Variants in TDRD9 observed in about 807,000 individuals in gnomAD.
TDRD9 encodes ATP-dependent RNA helicase TDRD9.
A neutral mutation model predicts 172.6 loss-of-function variants in TDRD9; 124 were observed. The ratio of observed to expected loss-of-function variants is 0.72; its 90% CI spans 0.62 to 0.83. TDRD9 has a LOEUF of 0.83. TDRD9 is among the 40% of genes least tolerant of loss of function. The probability of loss-of-function intolerance (pLI) is 0.00; values close to 1 mark genes in which losing one functional copy is unlikely to be tolerated. For missense variants in TDRD9, 1,479 were observed against 1,714.1 expected, an observed-to-expected ratio of 0.86 and a Z score of 2.42; for synonymous variants, 619 against 617.1, an observed-to-expected ratio of 1.00 and a Z score of -0.05.
At chr14:104,028,314 G>A (rs1231522461) in intron 28 of TDRD9, among the ~76,000 whole-genome samples, 1 of 152,278 alleles carries the variant, frequency 6.6e-6, no homozygotes, top group African/African-American at 2.4e-5. Context: ...CACCAACAGT[G>A]TATAAGAGTT....
chr14:103,941,406 A>C, intron 1 of TDRD9: 1 of 1,534,344 alleles, frequency 6.5e-7, no homozygotes, highest in Non-Finnish European at 8.7e-7. Flanking sequence ...CCTGCTGAGA[A>C]TAGTTCCAGT....
Position 103,965,366 on chromosome 14 carries a change from A to T in TDRD9, c.454A>T (p.Ile152Phe). Residue 152 changes from isoleucine (I) to phenylalanine (F), a missense_variant, in exon 4 of 36, where the codon ATT becomes TTT. By Grantham distance (21) the Ile-to-Phe change is conservative (BLOSUM62 0). Coordinates refer to ENST00000409874, the MANE Select transcript of TDRD9 (RefSeq NM_153046.3). ...VSLIESNSVVIIHGATGSGKS... is the reference protein window; with the variant it reads ...VSLIESNSVVFIHGATGSGKS... The stretch of plus-strand genomic sequence containing the variant: ...TTTGATAGAAAGTAATTCCGTGGTG[A>T]TTATCCATGGGGCCACGGGAAGCGG... 6.4e-7 allele frequency: 1 copy of T among 1,551,736 alleles called. No homozygotes were observed. The highest frequency in any genetic ancestry group is 8.7e-7 in the Non-Finnish European group (1 of 1,147,002).
intron 29 of TDRD9, among the ~76,000 whole-genome samples, chr14:104,031,472 T>TG (rs1417277038): frequency 1.3e-5 from 2 of 148,776 alleles, no homozygotes; most frequent in Non-Finnish European, 3.0e-5. Flanking sequence ...TGACTAGTTT[T>TG]TTTTTTTTTT....
chr14:103,961,865 T>C (rs970325919), intron 2 of TDRD9, among the ~76,000 whole-genome samples: 3 of 152,136 alleles, frequency 2.0e-5, no homozygotes, highest in African/African-American at 7.2e-5. Context: ...CCTGGTTGTG[T>C]GTTTTATTAG....
At chr14:103,937,396 C>G (rs2030838548) in intron 1 of TDRD9, among the ~76,000 whole-genome samples, 1 of 152,210 alleles carries the variant, frequency 6.6e-6, no homozygotes, top group Non-Finnish European at 1.5e-5. Flanking sequence ...AGGCTCCTTT[C>G]TTCATTTGGG....
At chr14:103,941,540 T>C in intron 1 of TDRD9, 1 of 1,535,434 alleles carries the variant, frequency 6.5e-7, no homozygotes, top group Admixed American at 2.0e-5. Flanking sequence ...TTTTCACTTT[T>C]TGTTCATTTT....
intron 23 of TDRD9, among the ~76,000 whole-genome samples, chr14:104,020,663 C>T (rs1052394475): frequency 2.8e-4 from 43 of 152,104 alleles, no homozygotes; most frequent in African/African-American, 1.0e-3. Context: ...GATTCATGTA[C>T]CTGCTCCACA....
At chr14:103,988,616 CAT>C (rs1267829426) in intron 8 of TDRD9, among the ~76,000 whole-genome samples, 1 of 151,576 alleles carries the variant, frequency 6.6e-6, no homozygotes, top group African/African-American at 2.4e-5. Context: ...CTGGATGTCT[CAT>C]ATTCTTTTTG....
intron 27 of TDRD9, 39 bp downstream of exon 27, chr14:104,026,175 C>T: frequency 7.4e-7 from 1 of 1,354,752 alleles, no homozygotes; most frequent in South Asian, 1.2e-5. Flanking sequence ...ATGCTGCATG[C>T]TGGACAGGAT....
chr14:104,049,927 G>A (rs2035893272), intron 35 of TDRD9: 3 of 446,910 alleles, frequency 6.7e-6, no homozygotes, highest in South Asian at 4.2e-5. Context: ...CCTGTGAGTT[G>A]GGAAAAAAAG....
intron 6 of TDRD9, among the ~76,000 whole-genome samples, chr14:103,972,023 GGT>G (rs1451371522): frequency 1.3e-5 from 2 of 152,158 alleles, no homozygotes; most frequent in East Asian, 3.9e-4. Flanking sequence ...TGGACATAGT[GGT>G]GTGTGTCTGT....
intron 22 of TDRD9, 43 bp downstream of exon 22, chr14:104,016,131 G>A: frequency 5.1e-6 from 7 of 1,364,588 alleles, no homozygotes; most frequent in Non-Finnish European, 7.1e-6. Flanking sequence ...GTGTGGTGGG[G>A]CAGAACATTT....
chr14:104,004,244 C>A lies in TDRD9; in HGVS notation c.1490C>A (p.Ala497Asp). 1 of 1,574,452 alleles carries A rather than the reference C, an allele frequency of 6.4e-7. No individual in the cohort carries two copies. Among genetic ancestry groups the A allele is most frequent in the Non-Finnish European group, 8.7e-7 (1 of 1,150,432 alleles). The change falls in exon 14 of 36, where the codon GCT (alanine) becomes GAT (aspartate). Residue 497 changes from alanine (A) to aspartate (D), a missense_variant. By Grantham distance (126) the Ala-to-Asp change is moderately radical. Around this residue, in one of 3 missense-constraint regions of TDRD9, gnomAD observed 1,413 missense variants for 1,649.1 expected, o/e 0.86. Coordinates refer to ENST00000409874, the MANE Select transcript of TDRD9 (RefSeq NM_153046.3). The part of the protein sequence containing the change: ...KTSCNQRKGR[A>D]GRVSRGYCYR... ...GCACATCTCTCCTTTGAAGGCCGTG[C>A]TGGACGAGTGTCTAGAGGGTACTGT...
chr14:103,964,798 C>T (rs1050002862), intron 3 of TDRD9, among the ~76,000 whole-genome samples: 1 of 152,178 alleles, frequency 6.6e-6, no homozygotes, highest in Non-Finnish European at 1.5e-5. Flanking sequence ...GCTGGGATTG[C>T]AGATGTGAGC....
intron 6 of TDRD9, among the ~76,000 whole-genome samples, chr14:103,975,088 C>G (rs2033182551): frequency 6.6e-6 from 1 of 151,882 alleles, no homozygotes; most frequent in South Asian, 2.1e-4. Context: ...GGGCCTTATT[C>G]TTTTTTAAAA....
At chr14:103,952,212 A>G (rs1595907427) in intron 1 of TDRD9, among the ~76,000 whole-genome samples, 1 of 66,432 alleles carries the variant, frequency 1.5e-5, no homozygotes, top group African/African-American at 8.0e-5. Flanking sequence ...ATATATATAT[A>G]TATATATATT....
chr14:104,006,549 T>C lies in TDRD9; in HGVS notation c.1874T>C (p.Ile625Thr), dbSNP rs769699885. The change falls in exon 16 of 36, where the codon ATT (isoleucine) becomes ACT (threonine). Residue 625 changes from isoleucine (I) to threonine (T), a missense_variant. Ile to Thr is a moderately conservative substitution (Grantham distance 89). Around this residue, in one of 3 missense-constraint regions of TDRD9, gnomAD observed 1,413 missense variants for 1,649.1 expected, o/e 0.86. Coordinates refer to ENST00000409874, the MANE Select transcript of TDRD9 (RefSeq NM_153046.3). ...HVFGCLDECL[I>T]IAAALSLKNF... ...TTTGGATGTCTAGATGAATGTCTTA[T>C]TATAGGTAAGTGTGAGAACAAATAA... 3.7e-6 allele frequency: 6 copies of C among 1,613,570 alleles called. 1 individual carries two copies. The South Asian group carries it at 6.6e-5, about 18-fold the overall frequency.
intron 1 of TDRD9, among the ~76,000 whole-genome samples, chr14:103,946,779 C>G (rs2031581627): frequency 6.6e-6 from 1 of 152,094 alleles, no homozygotes; most frequent in African/African-American, 2.4e-5. Flanking sequence ...AAGGAAATTA[C>G]AAAACTATTC....
At position 104,040,202 on chromosome 14, in the gene TDRD9, TC is replaced by T; in HGVS notation, c.3724del (p.Gln1242ArgfsTer55). ...CTGAAAACATTCCATTTAGGATTGATCAGAATGGCAAGTACTATACTGGAGT... is the reference window on the plus strand; with the variant it reads ...CTGAAAACATTCCATTTAGGATTGATAGAATGGCAAGTACTATACTGGAGT... ...FAPVIELRID[Q>X]NGKYYTGVLC... On this transcript the variant is annotated frameshift_variant, in exon 33 of 36. Transcript: ENST00000409874. LOFTEE classifies it high-confidence loss of function. The T allele has an allele frequency of 6.5e-7, 1 of 1,529,516 alleles. No individual in the cohort carries two copies. The highest frequency in any genetic ancestry group is 8.8e-7 in the Non-Finnish European group (1 of 1,134,530). 94.7% of individuals were successfully genotyped at this position (1,529,516 alleles called of 1,614,324 possible). A position where few individuals can be genotyped will look rare whatever the true frequency, so the allele number is the denominator to read the frequency against.
Sources: allele counts gnomAD v4.1 joint callset (sites outside exome capture counted in the v4.1 genomes callset), GRCh38; gene constraint gnomAD v4.1.1; regional missense constraint gnomAD v4.1.1; transcripts MANE v1.5; gene names NCBI Gene and HGNC (gene_info 2026-07-23, HGNC 2026-07-21).